ASTN2: variants seen among roughly 807,000 people sequenced by gnomAD.
ASTN2 encodes the protein astrotactin-2.
In ASTN2, 54 loss-of-function variants were observed where a neutral mutation model predicts 139.8. That is an observed-to-expected ratio of 0.39 (90% CI 0.31 to 0.48). The LOEUF is 0.48. ASTN2 is among the 20% of genes least tolerant of loss of function. ASTN2 has a pLI of 0.95. For synonymous variants in ASTN2, 756 were observed against 719.5 expected (o/e 1.05, Z -0.81); for missense variants, 1,565 against 1,725.1 (o/e 0.91, Z 1.64).
chr9:116,423,899 C>CA lies in ASTN2; in HGVS notation c.*1951_*1952insT, dbSNP rs1847243728. Among the ~76,000 whole-genome samples the CA allele has an allele frequency of 6.6e-6, 1 of 152,040 alleles. No individual in the cohort carries two copies. Among genetic ancestry groups the CA allele is most frequent in the African/African-American group, 2.4e-5 (1 of 41,402 alleles). On this transcript the variant is annotated 3_prime_UTR_variant, in exon 23 of 23. Transcript: ENST00000313400. ...ATTGAGAAGTAGGCATGGTTTTTTT[C>CA]TTTTTTACTCACCACTACACAAATG... is the stretch of plus-strand genomic sequence containing the variant.
intron 3 of ASTN2, among the ~76,000 whole-genome samples, chr9:117,148,497 T>A (rs540635680): frequency 3.9e-5 from 6 of 152,222 alleles, no homozygotes; most frequent in Non-Finnish European, 7.4e-5. Context: ...AATTATACAT[T>A]CCCCCTTTCA....
chr9:117,058,732 T>C (rs1000621866), intron 5 of ASTN2, among the ~76,000 whole-genome samples: 1 of 152,184 alleles, frequency 6.6e-6, no homozygotes, highest in Non-Finnish European at 1.5e-5. Flanking sequence ...ATGGACGCCA[T>C]CCTCATGAAG....
intron 20 of ASTN2, among the ~76,000 whole-genome samples, chr9:116,463,560 G>A (rs896072267): frequency 6.6e-6 from 1 of 152,138 alleles, no homozygotes; most frequent in African/African-American, 2.4e-5. Context: ...TGCCTATAAT[G>A]CCTGTCACCT....
intron 7 of ASTN2, among the ~76,000 whole-genome samples, chr9:116,978,428 C>T (rs1836413228): frequency 6.6e-6 from 1 of 151,920 alleles, no homozygotes; most frequent in Non-Finnish European, 1.5e-5. Flanking sequence ...TTCTTGTAAT[C>T]ACATTATCTC....
chr9:117,103,730 A>G (rs146596298), intron 4 of ASTN2, among the ~76,000 whole-genome samples: 60 of 152,230 alleles, frequency 3.9e-4, no homozygotes, highest in African/African-American at 1.3e-3. Flanking sequence ...TTTTTAGATT[A>G]CCCAGAACTG....
intron 7 of ASTN2, among the ~76,000 whole-genome samples, chr9:117,003,720 T>C (rs1397137049): frequency 6.6e-6 from 1 of 151,572 alleles, no homozygotes; most frequent in Non-Finnish European, 1.5e-5. Flanking sequence ...GCTGGGGAGC[T>C]AGAAGGTCAG....
At chr9:116,432,120 T>G (rs1847517576) in intron 22 of ASTN2, among the ~76,000 whole-genome samples, 1 of 152,200 alleles carries the variant, frequency 6.6e-6, no homozygotes, top group South Asian at 2.1e-4. Flanking sequence ...TATCATCTGA[T>G]GACCACTCAC....
rs71379248 is a variant in ASTN2 at position 116,999,548 on chromosome 9, C to CTTTTTTTTT, written c.1591+8535_1591+8543dup. Among the ~76,000 whole-genome samples the CTTTTTTTTT allele has an allele frequency of 7.5e-4, 71 of 94,950 alleles. 2 individuals are homozygous for CTTTTTTTTT. The highest frequency in any genetic ancestry group is 1.6e-3 in the East Asian group (5 of 3,140). The allele number at this position is 94,950 out of a possible 152,430, so 62.3% of individuals were successfully genotyped here. ...TTCCTCTTTCTTTCTTTCTCTCTTT[C>CTTTTTTTTT]TTTTTTTTTTTTTTTTTTTTTTTTT... On this transcript the variant is annotated intron_variant, in intron 7 of 22. Coordinates refer to ENST00000313400, the MANE Select transcript of ASTN2 (RefSeq NM_001365068.1).
intron 4 of ASTN2, among the ~76,000 whole-genome samples, chr9:117,131,275 C>T (rs969874342): frequency 1.4e-4 from 21 of 152,136 alleles, no homozygotes; most frequent in Admixed American, 6.6e-5. Context: ...TCATTATACC[C>T]CTCTTCTTTT....
chr9:116,811,238 A>C (rs1467946884), intron 12 of ASTN2, among the ~76,000 whole-genome samples: 1 of 151,542 alleles, frequency 6.6e-6, no homozygotes, highest in Non-Finnish European at 1.5e-5. Flanking sequence ...CAAATGCCTC[A>C]TTTGTTTATT....
chr9:117,412,027 G>A (rs1399005781), intron 1 of ASTN2, among the ~76,000 whole-genome samples: 1 of 104,148 alleles, frequency 9.6e-6, no homozygotes, highest in Non-Finnish European at 1.8e-5. Context: ...AACCCCCAGC[G>A]GGCACCAACT....
At chr9:116,679,929 C>A (rs993276485) in intron 16 of ASTN2, among the ~76,000 whole-genome samples, 1 of 152,122 alleles carries the variant, frequency 6.6e-6, no homozygotes, top group Non-Finnish European at 1.5e-5. Flanking sequence ...CAGGAAAGAT[C>A]TAAAATTGAC....
intron 1 of ASTN2, among the ~76,000 whole-genome samples, chr9:117,347,293 C>T (rs1829249027): frequency 6.6e-6 from 1 of 152,030 alleles, no homozygotes; most frequent in Non-Finnish European, 1.5e-5. Flanking sequence ...TTCATAGATA[C>T]ATTATACTGA....
chr9:117,346,010 CAAA>C (rs35773511), intron 1 of ASTN2, among the ~76,000 whole-genome samples: 19 of 92,312 alleles, frequency 2.1e-4, no homozygotes, highest in Admixed American at 4.3e-4. Context: ...AACTAAGAGG[CAAA>C]AAAAAAAAAA....
chr9:116,535,677 T>C (rs146174668), intron 19 of ASTN2, among the ~76,000 whole-genome samples: 3,879 of 152,286 alleles, frequency 0.025, 140 homozygotes, highest in African/African-American at 0.081. Flanking sequence ...GAATGTTGAA[T>C]ATTAGCCTCC....
chr9:116,991,082 T>C (rs1264201987), intron 7 of ASTN2, among the ~76,000 whole-genome samples: 5 of 152,160 alleles, frequency 3.3e-5, no homozygotes, highest in African/African-American at 4.8e-5. Context: ...GAAATTTTAA[T>C]TAAGAGACCA....
intron 3 of ASTN2, among the ~76,000 whole-genome samples, chr9:117,193,633 AG>A (rs1280359422): frequency 2.8e-5 from 2 of 72,264 alleles, no homozygotes; most frequent in East Asian, 7.6e-4. Flanking sequence ...AGCCAGATTC[AG>A]TCACCAAAAA....
At chr9:116,494,451 T>C (rs2119113233) in intron 19 of ASTN2, among the ~76,000 whole-genome samples, 1 of 152,274 alleles carries the variant, frequency 6.6e-6, no homozygotes, top group Admixed American at 6.5e-5. Flanking sequence ...GTTATCACGC[T>C]CAGTTGCTTT....
intron 11 of ASTN2, among the ~76,000 whole-genome samples, chr9:116,858,442 G>A (rs1448781636): frequency 6.6e-6 from 1 of 152,184 alleles, no homozygotes; most frequent in Non-Finnish European, 1.5e-5. Context: ...AAGTGCGTCA[G>A]GGGGCAGCAG....
Sources: gnomAD v4.1 joint callset for allele counts (sites outside exome capture counted in the v4.1 genomes callset) on GRCh38, gnomAD v4.1.1 for gene constraint, MANE v1.5 for transcripts, NCBI Gene and HGNC (gene_info 2026-07-23, HGNC 2026-07-21) for gene names.